The following XKR9 variants were observed in gnomAD, a reference collection of about 807,000 sequenced individuals.
XKR9 encodes XK-related protein 9.
In XKR9, 32 loss-of-function variants were observed where a neutral mutation model predicts 32.0. The observed-to-expected ratio is 1.00, with a 90% CI of 0.76 to 1.34. The LOEUF (loss-of-function observed/expected upper bound fraction) is 1.34, where lower values mean the gene tolerates loss of function less well. Among genes scored for constraint, XKR9 ranks in the 40% most tolerant of loss-of-function variants. The probability of loss-of-function intolerance (pLI) is 0.00; values close to 1 mark genes in which losing one functional copy is unlikely to be tolerated. For synonymous variants in XKR9, 168 were observed against 143.4 expected, an observed-to-expected ratio of 1.17 and a Z score of -1.22; for missense variants, 546 against 429.7, an observed-to-expected ratio of 1.27 and a Z score of -2.39.
At chr8:70,821,541 A>G in the XKR9 span, among the ~76,000 whole-genome samples, 16 of 152,206 alleles carry the variant, frequency 1.1e-4, no homozygotes, top group Admixed American at 1.0e-3. Flanking sequence ...GAGGTTCTCC[A>G]TGAGGGCCCC....
the XKR9 span, among the ~76,000 whole-genome samples, chr8:70,841,052 A>AACTG: frequency 1.3e-5 from 2 of 152,180 alleles, no homozygotes; most frequent in Non-Finnish European, 1.5e-5. Flanking sequence ...GCATTATTTA[A>AACTG]ACTGTGAAAA....
At chr8:70,699,975 C>T (rs958632967) in intron 3 of XKR9, among the ~76,000 whole-genome samples, 25 of 152,276 alleles carry the variant, frequency 1.6e-4, no homozygotes, top group Non-Finnish European at 2.9e-4. Flanking sequence ...TTGATCGCAT[C>T]AGCTCCTGAG....
the XKR9 span, among the ~76,000 whole-genome samples, chr8:70,817,509 C>T: frequency 3.2e-4 from 48 of 152,228 alleles, no homozygotes; most frequent in East Asian, 9.6e-4. Flanking sequence ...ATTTCATGCT[C>T]GTGGATCAGA....
intron 2 of XKR9, among the ~76,000 whole-genome samples, chr8:70,769,184 C>G (rs979930798): frequency 1.7e-4 from 25 of 149,478 alleles, no homozygotes; most frequent in Admixed American, 1.3e-4. Flanking sequence ...TTCTTCACTT[C>G]TGAAGCTTAT....
At chr8:71,051,527 G>GTGGT in the XKR9 span, among the ~76,000 whole-genome samples, 3 of 60,210 alleles carry the variant, frequency 5.0e-5, no homozygotes, top group African/African-American at 3.7e-4. Flanking sequence ...GGTGGTGGTG[G>GTGGT]GGTGTGTGTG....
chr8:71,015,533 G>A, the XKR9 span, among the ~76,000 whole-genome samples: 2 of 152,270 alleles, frequency 1.3e-5, no homozygotes, highest in Non-Finnish European at 2.9e-5. Context: ...TTGGTCATCT[G>A]TATTGTGCTT....
intron 2 of XKR9, among the ~76,000 whole-genome samples, chr8:70,751,024 G>T (rs1409145124): frequency 6.6e-6 from 1 of 152,220 alleles, no homozygotes; most frequent in Admixed American, 6.5e-5. Flanking sequence ...CCTCAAGGAA[G>T]AGAGAATTCT....
chr8:70,842,010 T>A, the XKR9 span, among the ~76,000 whole-genome samples: 1 of 152,232 alleles, frequency 6.6e-6, no homozygotes, highest in Non-Finnish European at 1.5e-5. Flanking sequence ...ATTATTACTA[T>A]GATGGTTTCT....
Position 70,694,430 on chromosome 8 carries a change from G to T in XKR9, c.273-12503G>T, listed in dbSNP as rs79378179. Among the ~76,000 whole-genome samples the T allele has an allele frequency of 3.0e-3, 463 of 152,040 alleles. 1 individual carries two copies. The highest frequency in any genetic ancestry group is 0.011 in the African/African-American group (436 of 41,500). On this transcript the variant is annotated intron_variant, in intron 3 of 4. Coordinates refer to ENST00000408926, the MANE Select transcript of XKR9 (RefSeq NM_001011720.2). ...CCAGGGGGAATTCAGATCTGTGTCA[G>T]CTGGAAAGCTTTGTTGGGGGTGGCT... is the stretch of plus-strand genomic sequence containing the variant.
the XKR9 span, among the ~76,000 whole-genome samples, chr8:70,870,932 G>A: frequency 2.0e-5 from 3 of 152,148 alleles, no homozygotes; most frequent in African/African-American, 7.2e-5. Flanking sequence ...ATTAAGAAGT[G>A]TATAATTTGC....
chr8:70,697,960 GTTTA>G, intron 3 of XKR9, among the ~76,000 whole-genome samples: 1 of 152,170 alleles, frequency 6.6e-6, no homozygotes, highest in South Asian at 2.1e-4. Context: ...AGATTTTCTA[GTTTA>G]TTTGTGTAGA....
the XKR9 span, among the ~76,000 whole-genome samples, chr8:70,883,335 C>A: frequency 6.6e-6 from 1 of 152,054 alleles, no homozygotes; most frequent in Non-Finnish European, 1.5e-5. Flanking sequence ...GAGTAGTATT[C>A]CTTGGTGTAT....
At chr8:70,942,703 TCTGCGG>T in the XKR9 span, among the ~76,000 whole-genome samples, 1 of 152,162 alleles carries the variant, frequency 6.6e-6, no homozygotes, top group African/African-American at 2.4e-5. Flanking sequence ...AGTTTTCAGG[TCTGCGG>T]TTGGGGCTAA....
At chr8:70,762,175 A>T (rs1051921060) in intron 2 of XKR9, among the ~76,000 whole-genome samples, 3 of 152,048 alleles carry the variant, frequency 2.0e-5, no homozygotes, top group Non-Finnish European at 4.4e-5. Flanking sequence ...TGCCTTGGGT[A>T]TTTGGGCTTT....
the XKR9 span, among the ~76,000 whole-genome samples, chr8:70,940,128 G>A: frequency 2.0e-5 from 3 of 151,932 alleles, no homozygotes; most frequent in African/African-American, 7.3e-5. Context: ...ATGGGGACTG[G>A]ACAACAGTTT....
In XKR9 at chr8:70,712,907, T is replaced by A. The variant is rs192489616; in HGVS notation, c.493+5754T>A. 2.0e-5 allele frequency among the ~76,000 whole-genome samples: 3 copies of A among 152,232 alleles called. No individual in the cohort carries two copies. In the East Asian group the frequency reaches 5.8e-4, roughly 29 times the overall value. On this transcript the variant is annotated intron_variant, in intron 4 of 4. Transcript: ENST00000408926. ...AAGTTTTCAATGGAAAACAAAAGTTTGACAGTAGTTTATAGCACCAAAACA... is the reference window on the plus strand; with the variant it reads ...AAGTTTTCAATGGAAAACAAAAGTTAGACAGTAGTTTATAGCACCAAAACA...
At chr8:70,771,046 G>C (rs1274736593) in intron 2 of XKR9, among the ~76,000 whole-genome samples, 1 of 152,166 alleles carries the variant, frequency 6.6e-6, no homozygotes. Context: ...GGTGGTGTAG[G>C]CACCTGAGGG....
At chr8:70,816,604 G>GA in the XKR9 span, among the ~76,000 whole-genome samples, 11 of 152,082 alleles carry the variant, frequency 7.2e-5, no homozygotes, top group Admixed American at 5.9e-4. Flanking sequence ...CAATGCTAAA[G>GA]AAAAAATCTT....
intron 2 of XKR9, among the ~76,000 whole-genome samples, chr8:70,772,720 T>TA (rs1210154551): frequency 2.6e-5 from 4 of 152,118 alleles, no homozygotes; most frequent in East Asian, 1.9e-4. Context: ...GTAGAAATGT[T>TA]AAAAAAAATT....
Sources: allele counts gnomAD v4.1 joint callset (sites outside exome capture counted in the v4.1 genomes callset), GRCh38; gene constraint gnomAD v4.1.1; transcripts MANE v1.5; gene names NCBI Gene and HGNC (gene_info 2026-07-23, HGNC 2026-07-21).